The following RUFY3 variants were observed in gnomAD, a reference collection of about 807,000 sequenced individuals.
RUFY3 encodes protein RUFY3.
Under a neutral mutation model 84.0 loss-of-function variants are expected in RUFY3, and 34 were observed. The ratio of observed to expected loss-of-function variants is 0.40; its 90% confidence interval spans 0.31 to 0.54. RUFY3 has a LOEUF of 0.54. Among genes scored for constraint, RUFY3 ranks in the 20% least tolerant of loss-of-function variants. The probability of loss-of-function intolerance (pLI) is 0.39; values close to 1 mark genes in which losing one functional copy is unlikely to be tolerated. For missense variants in RUFY3, 507 were observed against 736.8 expected (o/e 0.69, Z 3.61); for synonymous variants, 242 against 252.9 (o/e 0.96, Z 0.41).
intron 1 of RUFY3, among the ~76,000 whole-genome samples, chr4:70,726,759 T>A (rs1458529778): frequency 2.0e-5 from 3 of 152,210 alleles, no homozygotes; most frequent in African/African-American, 7.2e-5. Flanking sequence ...CTGGCTTAAG[T>A]CTGTACCCTA....
At position 70,806,913 on chromosome 4, in the gene RUFY3, T is replaced by G. The variant is rs1173325563; in HGVS notation, c.*254T>G. On this transcript the variant is annotated 3_prime_UTR_variant, in exon 18 of 18. Transcript: ENST00000381006. ...TCTAAACAACCTGATATTGAAGGTTTGCTTTATAGCATATCTTTGGAAAGG... is the reference window on the plus strand; with the variant it reads ...TCTAAACAACCTGATATTGAAGGTTGGCTTTATAGCATATCTTTGGAAAGG... The G allele has an allele frequency of 2.8e-6, 1 of 354,914 alleles. No individual in the cohort carries two copies. The highest frequency in any genetic ancestry group is 5.1e-6 in the Non-Finnish European group (1 of 196,632). 22.0% of individuals were successfully genotyped at this position (354,914 alleles called of 1,614,324 possible). A position where few individuals can be genotyped will look rare whatever the true frequency, so the allele number is the denominator to read the frequency against.
At chr4:70,714,535 G>A (rs746282542) in intron 1 of RUFY3, among the ~76,000 whole-genome samples, 1 of 152,208 alleles carries the variant, frequency 6.6e-6, no homozygotes, top group Non-Finnish European at 1.5e-5. Context: ...GCCAGTGTTA[G>A]ACTGACCTGT....
rs762399451 is a variant in RUFY3, at chr4:70,793,794, G to A, written c.1347G>A (p.Gln449=). The change falls in exon 13 of 18, where the codon CAG becomes CAA. Residue 449 remains glutamine (Q), a synonymous_variant. Coordinates refer to ENST00000381006, the MANE Select transcript of RUFY3 (RefSeq NM_001037442.4). ...TIKQLEQRLR[Q]AERSRQSAEL... ...TGTGGCTCACATCCAGATTGCGCCA[G>A]GCTGAGCGAAGCCGCCAATCTGCTG... The A allele has an allele frequency of 1.2e-5, 20 of 1,614,038 alleles. 1 individual carries two copies. The South Asian group carries it at 2.2e-4, about 18-fold the overall frequency.
chr4:70,767,046 GTAA>G (rs1726060160), intron 4 of RUFY3, among the ~76,000 whole-genome samples: 1 of 151,478 alleles, frequency 6.6e-6, no homozygotes, highest in East Asian at 1.9e-4. Context: ...CTTTCACTTA[GTAA>G]TATGCATTTA....
At chr4:70,764,958 G>T (rs1725598233) in intron 4 of RUFY3, among the ~76,000 whole-genome samples, 1 of 151,986 alleles carries the variant, frequency 6.6e-6, no homozygotes, top group African/African-American at 2.4e-5. Context: ...GGCCAAGGTG[G>T]GCAGACCACT....
At chr4:70,750,617 C>T (rs1722981033) in intron 1 of RUFY3, among the ~76,000 whole-genome samples, 1 of 152,116 alleles carries the variant, frequency 6.6e-6, no homozygotes, top group Non-Finnish European at 1.5e-5. Flanking sequence ...GCTGTGCATC[C>T]ATCACCACTC....
chr4:70,800,092 T>G, intron 14 of RUFY3, 49 bp from the exon 15 acceptor site: 1 of 1,551,158 alleles, frequency 6.4e-7, no homozygotes, highest in Non-Finnish European at 8.8e-7. Flanking sequence ...GCAATATCAT[T>G]ATTTAGCATT....
At chr4:70,790,383 T>C (rs538841640) in intron 12 of RUFY3, among the ~76,000 whole-genome samples, 8 of 152,348 alleles carry the variant, frequency 5.3e-5, no homozygotes, top group African/African-American at 1.9e-4. Context: ...TTTGTCACCC[T>C]TCTTGCACTT....
At position 70,802,962 on chromosome 4, in the gene RUFY3, A is replaced by G; in HGVS notation, c.1629A>G (p.Gln543=). 1 of 1,607,430 alleles carries G rather than the reference A, an allele frequency of 6.2e-7. No homozygotes were observed. The part of the protein sequence containing the change: ...KKPLEESHRL[Q]PHPMDEQDQL... ...TTTTACTTCTCCATTGTAGGCTGCAACCCCACCCTATGGATGAACAGGTAA... is the reference window on the plus strand; with the variant it reads ...TTTTACTTCTCCATTGTAGGCTGCAGCCCCACCCTATGGATGAACAGGTAA... The change falls in exon 16 of 18, where the codon CAA becomes CAG. Residue 543 remains glutamine, a synonymous_variant. Transcript: ENST00000381006.
At chr4:70,773,301 T>A (rs1306258098) in intron 5 of RUFY3, among the ~76,000 whole-genome samples, 1 of 152,234 alleles carries the variant, frequency 6.6e-6, no homozygotes, top group African/African-American at 2.4e-5. Context: ...TGATCTAGTC[T>A]TCTAGTCTTA....
intron 4 of RUFY3, 63 bp from the exon 5 acceptor site, chr4:70,768,475 T>C (rs542821915): frequency 4.4e-5 from 69 of 1,551,496 alleles, no homozygotes; most frequent in Admixed American, 4.1e-4. Context: ...ACCATTTTTG[T>C]CCTTGTCTCT....
At chr4:70,792,979 A>G in intron 12 of RUFY3, 1 of 985,410 alleles carries the variant, frequency 1.0e-6, no homozygotes, top group Non-Finnish European at 1.2e-6. Context: ...CCGAAATTGA[A>G]CTTTCTAAAA....
At chr4:70,766,134 G>A (rs1725872349) in intron 4 of RUFY3, among the ~76,000 whole-genome samples, 1 of 152,126 alleles carries the variant, frequency 6.6e-6, no homozygotes, top group Non-Finnish European at 1.5e-5. Flanking sequence ...CAGTGATTGA[G>A]GTTGACCTTT....
intron 1 of RUFY3, among the ~76,000 whole-genome samples, chr4:70,730,289 A>G (rs1193416006): frequency 6.6e-6 from 1 of 152,186 alleles, no homozygotes; most frequent in Non-Finnish European, 1.5e-5. Flanking sequence ...GGTGATGCAC[A>G]GATGATCAGT....
At position 70,802,966 on chromosome 4, in the gene RUFY3, C is replaced by T; in HGVS notation, c.1633C>T (p.His545Tyr). The T allele has an allele frequency of 6.2e-7, 1 of 1,608,954 alleles. No individual in the cohort carries two copies. The highest frequency in any genetic ancestry group is 1.1e-5 in the South Asian group (1 of 90,204). The change falls in exon 16 of 18, where the codon CAC (histidine) becomes TAC (tyrosine). Residue 545 changes from histidine (H) to tyrosine (Y), a missense_variant. Physicochemically the swap from His to Tyr is moderately conservative, Grantham distance 83. This residue lies in a region of RUFY3 where 334 missense variants were observed against 364.1 expected (regional missense o/e 0.92). Coordinates refer to ENST00000381006, the MANE Select transcript of RUFY3 (RefSeq NM_001037442.4). ...ACTTCTCCATTGTAGGCTGCAACCCCACCCTATGGATGAACAGGTAACAGA... is the reference window on the plus strand; with the variant it reads ...ACTTCTCCATTGTAGGCTGCAACCCTACCCTATGGATGAACAGGTAACAGA... The part of the protein sequence containing the change: ...PLEESHRLQP[H>Y]PMDEQDQLLL...
At chr4:70,778,298 G>C (rs1728308417) in intron 7 of RUFY3, 71 bp from the exon 8 acceptor site, 10 of 686,020 alleles carry the variant, frequency 1.5e-5, no homozygotes, top group Non-Finnish European at 2.3e-5. Flanking sequence ...AAGTGTGAAG[G>C]GTTTAAAAAG....
At chr4:70,744,610 G>GT (rs1048414631) in intron 1 of RUFY3, among the ~76,000 whole-genome samples, 1 of 149,034 alleles carries the variant, frequency 6.7e-6, no homozygotes, top group Non-Finnish European at 1.5e-5. Context: ...CGTTGTTTTT[G>GT]TTTTTTGTTT....
intron 12 of RUFY3, among the ~76,000 whole-genome samples, chr4:70,790,413 GTCCCTGTACT>G (rs1730616569): frequency 6.6e-6 from 1 of 152,102 alleles, no homozygotes; most frequent in Non-Finnish European, 1.5e-5. Context: ...TAAACTGCTG[GTCCCTGTACT>G]TCCCATTTTT....
chr4:70,731,661 AG>A (rs1314549577), intron 1 of RUFY3, among the ~76,000 whole-genome samples: 1 of 151,920 alleles, frequency 6.6e-6, no homozygotes, highest in African/African-American at 2.4e-5. Context: ...TCTGCCTCCC[AG>A]GTTCAAGTGA....
Sources: allele counts gnomAD v4.1 joint callset (sites outside exome capture counted in the v4.1 genomes callset), GRCh38; gene constraint gnomAD v4.1.1; regional missense constraint gnomAD v4.1.1; transcripts MANE v1.5; gene names NCBI Gene and HGNC (gene_info 2026-07-23, HGNC 2026-07-21).